Variants in MICAL2 observed in about 807,000 individuals in gnomAD.
MICAL2 encodes microtubule associated monooxygenase, calponin and LIM domain containing 2, also known as [F-actin]-monooxygenase MICAL2.
In MICAL2, 77 loss-of-function variants were observed where a neutral mutation model predicts 127.3. The observed-to-expected ratio is 0.60, with a 90% CI of 0.50 to 0.73. MICAL2 has a LOEUF of 0.73. Ranked by LOEUF, MICAL2 falls within the 30% of genes least tolerant of loss-of-function variation. MICAL2 has a pLI of 0.00. For missense variants in MICAL2, 1,351 were observed against 1,434.4 expected (o/e 0.94, Z 0.94); for synonymous variants, 570 against 551.1 (o/e 1.03, Z -0.48).
intron 2 of MICAL2, among the ~76,000 whole-genome samples, chr11:12,139,504 G>T (rs976368639): frequency 2.0e-5 from 3 of 152,172 alleles, no homozygotes; most frequent in African/African-American, 7.2e-5. Context: ...TCCGGCGGAG[G>T]GGCAGCCGGC....
intron 29 of MICAL2, among the ~76,000 whole-genome samples, chr11:12,316,843 CT>C (rs1864237540): frequency 6.6e-6 from 1 of 152,184 alleles, no homozygotes; most frequent in African/African-American, 2.4e-5. Context: ...CCTTTGAAGG[CT>C]TGCTTTTAAG....
chr11:12,257,350 A>G (rs1862465799), intron 24 of MICAL2: 1 of 195,166 alleles, frequency 5.1e-6, no homozygotes, highest in South Asian at 1.9e-4. Context: ...AAGGTTCACC[A>G]AATGATGCAA....
At chr11:12,274,203 A>C (rs1435013776), upstream of MICAL2, 1 of 152,184 alleles carries the variant, frequency 6.6e-6, no homozygotes, top group Non-Finnish European at 1.5e-5. Context: ...CATCTTGAAG[A>C]GGAAAAATGA....
chr11:12,137,518 C>T (rs572923089), intron 1 of MICAL2, among the ~76,000 whole-genome samples: 10 of 152,306 alleles, frequency 6.6e-5, no homozygotes, highest in East Asian at 3.9e-4. Context: ...CTCCCATTAA[C>T]GGGCTGAGAA....
At chr11:12,324,911 A>G (rs1187979416) in intron 31 of MICAL2, among the ~76,000 whole-genome samples, 1 of 152,128 alleles carries the variant, frequency 6.6e-6, no homozygotes, top group Non-Finnish European at 1.5e-5. Flanking sequence ...GTTTCCTTGA[A>G]ACACTGCAAC....
chr11:12,212,191 C>T (rs1467841910), intron 6 of MICAL2, among the ~76,000 whole-genome samples: 1 of 152,242 alleles, frequency 6.6e-6, no homozygotes, highest in Non-Finnish European at 1.5e-5. Flanking sequence ...GTTTACCCTG[C>T]ACCAGCTGCT....
chr11:12,124,402 A>G (rs148873425), intron 1 of MICAL2, among the ~76,000 whole-genome samples: 141 of 152,278 alleles, frequency 9.3e-4, no homozygotes, highest in Non-Finnish European at 1.5e-3. Context: ...TTCTGAAGCT[A>G]GATAGGCCAT....
downstream of MICAL2, among the ~76,000 whole-genome samples, chr11:12,288,184 C>T (rs1009615543): frequency 6.6e-6 from 1 of 152,226 alleles, no homozygotes; most frequent in African/African-American, 2.4e-5. Flanking sequence ...AGAGTCACTC[C>T]TGAATCCTCT....
intron 1 of MICAL2, among the ~76,000 whole-genome samples, chr11:12,121,971 G>A (rs766280801): frequency 5.3e-5 from 8 of 152,170 alleles, no homozygotes; most frequent in Non-Finnish European, 1.2e-4. Flanking sequence ...TTTCTCCTAG[G>A]ATCAGTGCTA....
intron 9 of MICAL2, 124 bp downstream of exon 9, chr11:12,220,582 T>TC: frequency 7.4e-6 from 10 of 1,349,136 alleles, no homozygotes; most frequent in Non-Finnish European, 9.0e-6. Context: ...TTGGCAGGAC[T>TC]CTGCCAAGCC....
chr11:12,356,473 G>A (rs12270670), intron 34 of MICAL2, among the ~76,000 whole-genome samples: 110,210 of 151,926 alleles, frequency 0.73, 44,267 homozygotes, highest in East Asian at 0.93. Context: ...ACCTTGTGGT[G>A]GCATTAGGAC....
At chr11:12,230,478 C>T (rs1238626248) in intron 15 of MICAL2, among the ~76,000 whole-genome samples, 1 of 152,160 alleles carries the variant, frequency 6.6e-6, no homozygotes, top group Non-Finnish European at 1.5e-5. Context: ...TAGCCCTCCC[C>T]ACAAACACAG....
At chr11:12,116,034 G>A (rs951204546) in intron 1 of MICAL2, among the ~76,000 whole-genome samples, 3 of 145,890 alleles carry the variant, frequency 2.1e-5, no homozygotes, top group East Asian at 2.1e-4. Flanking sequence ...AGGCTGGAGT[G>A]CAGTGGGGCC....
chr11:12,223,417 C>T lies in MICAL2; in HGVS notation c.1456C>T (p.His486Tyr), dbSNP rs754844265. ...ATGTCTCTCTTGCTCATAGGTGAAG[C>T]ATTTGTATATCACTAAGGAGCTGGA... ...SHCVRPHQVK[H>Y]LYITKELEHY... Residue 486 changes from histidine to tyrosine, a missense_variant, in exon 12 of 28, where the codon CAT (histidine) becomes TAT (tyrosine). This residue lies in a region of MICAL2 where 599 missense variants were observed against 714.9 expected (regional missense o/e 0.84). Transcript: ENST00000683283. 7.4e-6 allele frequency: 12 copies of T among 1,613,546 alleles called. No homozygotes were observed. Among genetic ancestry groups the T allele is most frequent in the Non-Finnish European group, 1.0e-5 (12 of 1,179,590 alleles).
At chr11:12,285,762 G>A (rs546566128) in intron 2 of MICAL2, among the ~76,000 whole-genome samples, 1 of 152,202 alleles carries the variant, frequency 6.6e-6, no homozygotes, top group Non-Finnish European at 1.5e-5. Context: ...GACCTGGCAG[G>A]GAGTGGAATA....
intron 17 of MICAL2, among the ~76,000 whole-genome samples, chr11:12,240,121 A>G (rs1031096787): frequency 6.6e-6 from 1 of 151,926 alleles, no homozygotes; most frequent in African/African-American, 2.4e-5. Flanking sequence ...TTGAAGGCCA[A>G]CCTCCCAGGT....
intron 1 of MICAL2, among the ~76,000 whole-genome samples, chr11:12,135,710 A>G (rs1851779708): frequency 6.6e-6 from 1 of 152,194 alleles, no homozygotes; most frequent in African/African-American, 2.4e-5. Flanking sequence ...CCAAGTTCTT[A>G]ACTGCCTCAC....
intron 3 of MICAL2, among the ~76,000 whole-genome samples, chr11:12,198,647 C>A (rs1007785119): frequency 6.6e-6 from 1 of 152,200 alleles, no homozygotes; most frequent in Non-Finnish European, 1.5e-5. Flanking sequence ...GTGCACTGCC[C>A]TGGGGAGCTG....
chr11:12,217,580 G>A (rs2134237031), intron 8 of MICAL2, among the ~76,000 whole-genome samples: 1 of 152,256 alleles, frequency 6.6e-6, no homozygotes, highest in South Asian at 2.1e-4. Flanking sequence ...GGGTGCAGGG[G>A]TGTAGGGGTA....
Sources: gnomAD v4.1 joint callset for allele counts (sites outside exome capture counted in the v4.1 genomes callset) on GRCh38, gnomAD v4.1.1 for gene constraint, gnomAD v4.1.1 regional missense constraint, MANE v1.5 for transcripts, NCBI Gene and HGNC (gene_info 2026-07-23, HGNC 2026-07-21) for gene names.